RIC1: variants seen among roughly 807,000 people sequenced by gnomAD.
RIC1 encodes guanine nucleotide exchange factor subunit RIC1.
Under a neutral mutation model 169.0 loss-of-function variants are expected in RIC1, and 88 were observed. The observed-to-expected ratio is 0.52, with a 90% CI of 0.44 to 0.62. RIC1 has a LOEUF of 0.62. Among genes scored for constraint, RIC1 ranks in the 20% least tolerant of loss-of-function variants. The pLI is 0.00. For missense variants in RIC1, 1,877 were observed against 1,725.5 expected (o/e 1.09, Z -1.56); for synonymous variants, 790 against 601.5 (o/e 1.31, Z -4.59).
At chr9:5,720,845 A>T (rs1823547673) in intron 6 of RIC1, 95 bp downstream of exon 6, 5 of 1,126,648 alleles carry the variant, frequency 4.4e-6, no homozygotes, top group Non-Finnish European at 6.2e-6. Context: ...TTCATGTAAG[A>T]TTTTAAGGGT....
rs734548 is a variant in RIC1, at chr9:5,769,998, A to T, written c.3425-89A>T. On this transcript the variant is annotated intron_variant, in intron 22 of 25. Transcript: ENST00000414202. Reference sequence around the variant, plus strand: ...AACTGTTCTTATTGGGTAGGCAGGTAGGGGAAGCTAAAAGAGCTGAATTGA... The same window carrying T: ...AACTGTTCTTATTGGGTAGGCAGGTTGGGGAAGCTAAAAGAGCTGAATTGA... 4.3e-6 allele frequency: 5 copies of T among 1,161,520 alleles called. No individual in the cohort carries two copies. In the African/African-American group the frequency reaches 7.7e-5, roughly 18 times the overall value. The allele number at this position is 1,161,520 out of a possible 1,614,324, so 72.0% of individuals were successfully genotyped here.
chr9:5,729,686 T>A (rs888539491), intron 6 of RIC1, among the ~76,000 whole-genome samples: 1 of 152,192 alleles, frequency 6.6e-6, no homozygotes, highest in African/African-American at 2.4e-5. Context: ...TGGCCTTTTT[T>A]AATTGTTGTC....
intron 2 of RIC1, among the ~76,000 whole-genome samples, chr9:5,670,410 C>T (rs1057115597): frequency 7.9e-5 from 12 of 152,186 alleles, no homozygotes; most frequent in African/African-American, 2.9e-4. Context: ...TTTAATCAGT[C>T]TAGGCCTTAT....
chr9:5,777,571 G>A (rs1563735553), downstream of RIC1, among the ~76,000 whole-genome samples: 1 of 151,978 alleles, frequency 6.6e-6, no homozygotes, highest in Non-Finnish European at 1.5e-5. Flanking sequence ...TTGGTTGCTT[G>A]TGCCTAATCC....
chr9:5,673,535 G>GAGATATATATATATATATATATATAT (rs1554663215), intron 2 of RIC1, among the ~76,000 whole-genome samples: 1 of 119,302 alleles, frequency 8.4e-6, no homozygotes, highest in Non-Finnish European at 1.7e-5. Flanking sequence ...AACATAAGGA[G>GAGATATATATATATATATATATATAT]ATATATATAT....
rs1304140569 is a variant in RIC1, at chr9:5,770,187, C to T, written c.3525C>T (p.Ser1175=). 6.2e-7 allele frequency: 1 copy of T among 1,613,946 alleles called. No individual in the cohort carries two copies. Among genetic ancestry groups the T allele is most frequent in the East Asian group, 2.2e-5 (1 of 44,858 alleles). The part of the protein sequence containing the change: ...SNIQRSQSWL[S]NIGPTHHEID... The stretch of plus-strand genomic sequence containing the variant: ...TCCAGCGAAGTCAGAGCTGGCTCAG[C>T]AACATTGGCCCCACCCATCATGAGA... Residue 1175 remains serine, a synonymous_variant, in exon 23 of 26, where the codon AGC becomes AGT. Transcript: ENST00000414202.
intron 3 of RIC1, among the ~76,000 whole-genome samples, chr9:5,703,531 C>T (rs1281582392): frequency 6.6e-6 from 1 of 152,176 alleles, no homozygotes; most frequent in African/African-American, 2.4e-5. Flanking sequence ...TTGTCTGTGT[C>T]TCTCTGGATT....
intron 15 of RIC1, among the ~76,000 whole-genome samples, chr9:5,755,559 A>T (rs114969601): frequency 0.012 from 1,866 of 152,298 alleles, 53 homozygotes; most frequent in African/African-American, 0.043. Context: ...AAAGCCATGG[A>T]TAAGAGAGAC....
At position 5,765,436 on chromosome 9, in the gene RIC1, G is replaced by T. The variant is rs755169854; in HGVS notation, c.2864G>T (p.Ser955Ile). ...TAGAATATGGAAGTCCCTGCAGTAA[G>T]TAGGCAACATGCTACCCTTCTATTC... ...ILQNMEVPAV[S>I]RQHATLLFNT... Residue 955 changes from serine to isoleucine, a missense_variant, in exon 20 of 26, where the codon AGT (serine) becomes ATT (isoleucine). Ser to Ile is a moderately radical substitution (Grantham distance 142). Coordinates refer to ENST00000414202, the MANE Select transcript of RIC1 (RefSeq NM_020829.4). 6.2e-7 allele frequency: 1 copy of T among 1,613,850 alleles called. No homozygotes were observed. Among genetic ancestry groups the T allele is most frequent in the Admixed American group, 1.7e-5 (1 of 59,974 alleles).
chr9:5,746,408 G>C (rs891888213), intron 11 of RIC1, among the ~76,000 whole-genome samples: 6 of 152,070 alleles, frequency 3.9e-5, no homozygotes, highest in African/African-American at 9.7e-5. Context: ...CACTACTTAT[G>C]AGAGATATTA....
chr9:5,675,116 G>A (rs1210936877), intron 2 of RIC1, among the ~76,000 whole-genome samples: 1 of 152,204 alleles, frequency 6.6e-6, no homozygotes, highest in Non-Finnish European at 1.5e-5. Flanking sequence ...GACGCACGTG[G>A]CCCCTGCTGC....
In RIC1 at chr9:5,641,394, A is replaced by G. The variant is rs115747068; in HGVS notation, c.144+11941A>G. Among the ~76,000 whole-genome samples, 573 of 151,892 alleles carry G rather than the reference A, an allele frequency of 3.8e-3. 2 individuals carry two copies. Among genetic ancestry groups the G allele is most frequent in the African/African-American group, 0.013 (532 of 41,438 alleles). ...GCATGAGCCACCGCGCCCGGCCGCCATGAGGTACTCTTCTTTAGGTTAAAT... is the reference window on the plus strand; with the variant it reads ...GCATGAGCCACCGCGCCCGGCCGCCGTGAGGTACTCTTCTTTAGGTTAAAT... On this transcript the variant is annotated intron_variant, in intron 1 of 25. Transcript: ENST00000414202.
intron 21 of RIC1, among the ~76,000 whole-genome samples, chr9:5,768,317 G>C (rs1826940714): frequency 2.0e-5 from 3 of 152,142 alleles, no homozygotes; most frequent in Admixed American, 1.3e-4. Context: ...CTTGAGGCCA[G>C]GAGTTCAAGA....
At chr9:5,680,192 C>A (rs964943704) in intron 2 of RIC1, among the ~76,000 whole-genome samples, 1 of 152,098 alleles carries the variant, frequency 6.6e-6, no homozygotes, top group African/African-American at 2.4e-5. Flanking sequence ...GGATGAAGCC[C>A]ACTTGATCAT....
chr9:5,763,525 G>T lies in RIC1; in HGVS notation c.2498G>T (p.Arg833Leu). The T allele has an allele frequency of 6.2e-7, 1 of 1,614,046 alleles. No individual in the cohort carries two copies. The change falls in exon 19 of 26, where the codon CGT becomes CTT. Residue 833 changes from arginine (R) to leucine (L), a missense_variant. Physicochemically the swap from Arg to Leu is moderately radical, Grantham distance 102. Transcript: ENST00000414202. The surrounding 1 kb of genome is among the most constrained non-coding windows in gnomAD (Gnocchi z 5.2). Reference protein sequence around the residue: ...TSQIYLHHILRQLLVRNLGEQ... With the variant: ...TSQIYLHHILLQLLVRNLGEQ... Reference sequence around the variant, plus strand: ...CAGATCTACCTCCACCACATTCTACGTCAACTTCTGGTCAGAAACCTTGGG... The same window carrying T: ...CAGATCTACCTCCACCACATTCTACTTCAACTTCTGGTCAGAAACCTTGGG...
intron 7 of RIC1, among the ~76,000 whole-genome samples, chr9:5,736,178 T>A (rs1398203144): frequency 6.6e-6 from 1 of 152,216 alleles, no homozygotes; most frequent in African/African-American, 2.4e-5. Context: ...AGTTGTCAGA[T>A]GCAAAGCAAA....
intron 6 of RIC1, among the ~76,000 whole-genome samples, chr9:5,726,412 C>A (rs1276465958): frequency 2.6e-5 from 4 of 152,090 alleles, no homozygotes; most frequent in Non-Finnish European, 5.9e-5. Context: ...CTTGGTTGAT[C>A]TTCCTCCATC....
At chr9:5,758,350 C>T (rs1826129067) in intron 17 of RIC1, among the ~76,000 whole-genome samples, 1 of 152,214 alleles carries the variant, frequency 6.6e-6, no homozygotes, top group African/African-American at 2.4e-5. Context: ...TATTTGTCAT[C>T]CCTGTCTGGG....
chr9:5,664,078 G>A (rs1357954319), intron 2 of RIC1, among the ~76,000 whole-genome samples: 1 of 152,144 alleles, frequency 6.6e-6, no homozygotes. Context: ...AGTTTCGCCA[G>A]ATATGAAATT....
Sources: gnomAD v4.1 joint callset for allele counts (sites outside exome capture counted in the v4.1 genomes callset) on GRCh38, gnomAD v4.1.1 for gene constraint, Gnocchi (gnomAD v3.1) non-coding constraint, MANE v1.5 for transcripts, NCBI Gene and HGNC (gene_info 2026-07-23, HGNC 2026-07-21) for gene names.